The following DOCK8 variants were observed in gnomAD, a reference collection of about 807,000 sequenced individuals.
DOCK8 encodes dedicator of cytokinesis 8.
Under a neutral mutation model 245.6 loss-of-function variants are expected in DOCK8, and 141 were observed. The observed-to-expected ratio is 0.57, with a 90% CI of 0.50 to 0.66. The LOEUF (loss-of-function observed/expected upper bound fraction) is 0.66, where lower values mean the gene tolerates loss of function less well. Among genes scored for constraint, DOCK8 ranks in the 30% least tolerant of loss-of-function variants. The pLI, the probability that DOCK8 is intolerant of heterozygous loss-of-function variation, is 0.00. For synonymous variants in DOCK8, 1,168 were observed against 970.2 expected (o/e 1.20, Z -3.79); for missense variants, 2,965 against 2,603.4 (o/e 1.14, Z -3.02).
chr9:322,870 G>C (rs962277553), intron 7 of DOCK8, among the ~76,000 whole-genome samples: 14 of 152,034 alleles, frequency 9.2e-5, no homozygotes, highest in Non-Finnish European at 1.9e-4. Flanking sequence ...AGGCAGGTGA[G>C]TCACCTGAGC....
chr9:224,805 A>G (rs1486586503), intron 1 of DOCK8, among the ~76,000 whole-genome samples: 1 of 152,206 alleles, frequency 6.6e-6, no homozygotes, highest in Non-Finnish European at 1.5e-5. Flanking sequence ...ATTGCAGTCC[A>G]CTTTCACCTA....
At chr9:425,425 G>A (rs1019781890) in intron 33 of DOCK8, among the ~76,000 whole-genome samples, 42 of 151,990 alleles carry the variant, frequency 2.8e-4, no homozygotes, top group South Asian at 2.5e-3. Flanking sequence ...CCAGCTACTC[G>A]GGAGGCTGAA....
At chr9:350,855 A>G (rs1287983836) in intron 14 of DOCK8, among the ~76,000 whole-genome samples, 1 of 152,190 alleles carries the variant, frequency 6.6e-6, no homozygotes, top group Admixed American at 6.5e-5. Flanking sequence ...TCTGGTGCCA[A>G]AGAATGGACA....
intron 1 of DOCK8, among the ~76,000 whole-genome samples, chr9:247,250 ATTC>A (rs1467429916): frequency 2.0e-5 from 3 of 152,174 alleles, no homozygotes; most frequent in Non-Finnish European, 4.4e-5. Flanking sequence ...TGAATGTGCT[ATTC>A]TTTTTTTAAT....
intron 1 of DOCK8, among the ~76,000 whole-genome samples, chr9:251,522 C>A (rs573828305): frequency 6.6e-6 from 1 of 152,268 alleles, no homozygotes; most frequent in Admixed American, 6.5e-5. Context: ...CTTTCCATTG[C>A]CAAGCCCCCG....
At chr9:307,956 A>T (rs2049926399) in intron 5 of DOCK8, among the ~76,000 whole-genome samples, 1 of 152,204 alleles carries the variant, frequency 6.6e-6, no homozygotes. Context: ...AGCCAAGCAC[A>T]GTAAGACTAA....
chr9:325,230 A>T (rs1339442924), intron 7 of DOCK8, among the ~76,000 whole-genome samples: 1 of 152,208 alleles, frequency 6.6e-6, no homozygotes, highest in African/African-American at 2.4e-5. Flanking sequence ...GTGGGCAATT[A>T]GGTTGGTTGT....
chr9:434,983 G>A lies in DOCK8; in HGVS notation c.5079+8G>A. On this transcript the variant is annotated splice_region_variant and intron_variant, in intron 39 of 47. Coordinates refer to ENST00000432829, the MANE Select transcript of DOCK8 (RefSeq NM_203447.4). ...GGCAGTGTCAGCTTCCAGGTAGGGT[G>A]TGTGCAGCTTTTCCCTTAGAGCAGT... 1 of 1,612,014 alleles carries A rather than the reference G, an allele frequency of 6.2e-7. No homozygotes were observed. Among genetic ancestry groups the A allele is most frequent in the Non-Finnish European group, 8.5e-7 (1 of 1,179,968 alleles).
At chr9:461,332 T>C (rs1028421671) in intron 46 of DOCK8, among the ~76,000 whole-genome samples, 3 of 152,208 alleles carry the variant, frequency 2.0e-5, no homozygotes, top group Admixed American at 6.5e-5. Context: ...TCCATTCCCT[T>C]GGAGATTCTA....
At chr9:396,507 G>A (rs1466448035) in intron 24 of DOCK8, among the ~76,000 whole-genome samples, 2 of 152,186 alleles carry the variant, frequency 1.3e-5, no homozygotes, top group Non-Finnish European at 2.9e-5. Context: ...TGAGAACACT[G>A]TAGCTAAAGA....
In DOCK8 at chr9:446,387, T is replaced by C. The variant is rs1308932343; in HGVS notation, c.5598T>C (p.Thr1866=). Reference sequence around the variant, plus strand: ...CCCCTTAGGCCTACATACAGATCACTTTTGTGGAGCCCTACTTTGATGAGT... The same window carrying C: ...CCCCTTAGGCCTACATACAGATCACCTTTGTGGAGCCCTACTTTGATGAGT... The part of the protein sequence containing the change: ...LDPNKAYIQI[T]FVEPYFDEYE... The change falls in exon 44 of 48, where the codon ACT becomes ACC. Residue 1866 remains threonine (T), a synonymous_variant. Coordinates refer to ENST00000432829, the MANE Select transcript of DOCK8 (RefSeq NM_203447.4). The C allele has an allele frequency of 6.2e-7, 1 of 1,614,186 alleles. No individual in the cohort carries two copies. Among genetic ancestry groups the C allele is most frequent in the South Asian group, 1.1e-5 (1 of 91,088 alleles).
chr9:222,845 T>G (rs928571183), intron 1 of DOCK8, among the ~76,000 whole-genome samples: 2 of 152,198 alleles, frequency 1.3e-5, no homozygotes, highest in Non-Finnish European at 1.5e-5. Flanking sequence ...AAACTGTGCT[T>G]TTTACTTTGC....
chr9:253,753 A>T (rs1334196939), intron 1 of DOCK8, among the ~76,000 whole-genome samples: 1 of 152,204 alleles, frequency 6.6e-6, no homozygotes, highest in Non-Finnish European at 1.5e-5. Flanking sequence ...TGATGGCTTC[A>T]TTTAAGAAAC....
intron 46 of DOCK8, among the ~76,000 whole-genome samples, chr9:458,863 A>ATT (rs1252365617): frequency 6.6e-6 from 1 of 151,944 alleles, no homozygotes; most frequent in Non-Finnish European, 1.5e-5. Flanking sequence ...CAGCATGACT[A>ATT]CTCTCTCTGT....
At chr9:272,496 C>T (rs1440164317) in intron 2 of DOCK8, among the ~76,000 whole-genome samples, 3 of 152,158 alleles carry the variant, frequency 2.0e-5, no homozygotes, top group African/African-American at 7.2e-5. Context: ...GATTCTCCTC[C>T]CACCTCATCC....
At chr9:308,157 A>G (rs2049934305) in intron 5 of DOCK8, among the ~76,000 whole-genome samples, 1 of 152,236 alleles carries the variant, frequency 6.6e-6, no homozygotes, top group Admixed American at 6.5e-5. Flanking sequence ...GGTGACTAGA[A>G]TTAATAATAA....
intron 1 of DOCK8, chr9:268,332 AAAG>A (rs2048080980): frequency 6.6e-6 from 1 of 152,160 alleles, no homozygotes; most frequent in Non-Finnish European, 1.5e-5. Flanking sequence ...AAGAGTCAAG[AAAG>A]AAGATTAGTT....
chr9:377,148 C>T lies in DOCK8; in HGVS notation c.2377C>T (p.His793Tyr), dbSNP rs1347448067. 3.1e-6 allele frequency: 5 copies of T among 1,607,020 alleles called. No individual in the cohort carries two copies. The African/African-American group carries it at 6.7e-5, about 21-fold the overall frequency. The change falls in exon 20 of 48, where the codon CAC becomes TAC. Residue 793 changes from histidine (H) to tyrosine (Y), a missense_variant. Physicochemically the swap from His to Tyr is moderately conservative, Grantham distance 83. Transcript: ENST00000432829. ...SRLEPLVLFLHLVLDKLFQLS... is the reference protein window; with the variant it reads ...SRLEPLVLFLYLVLDKLFQLS... The stretch of plus-strand genomic sequence containing the variant: ...CCTGGAGCCGCTCGTGCTCTTCCTG[C>T]ACCTGGTGCTGGACAAGCTCTTCCA...
chr9:459,997 G>A (rs2057754518), intron 46 of DOCK8: 1 of 152,212 alleles, frequency 6.6e-6, no homozygotes, highest in Admixed American at 6.5e-5. Flanking sequence ...ATGGGGGCAT[G>A]GGCAAGGTTC....
Sources: gnomAD v4.1 joint callset for allele counts (sites outside exome capture counted in the v4.1 genomes callset) on GRCh38, gnomAD v4.1.1 for gene constraint, MANE v1.5 for transcripts, NCBI Gene and HGNC (gene_info 2026-07-23, HGNC 2026-07-21) for gene names.